The following TCP11L1 variants were observed in gnomAD, a reference collection of about 807,000 sequenced individuals.
TCP11L1 encodes T-complex protein 11-like protein 1.
In TCP11L1, 28 loss-of-function variants were observed where a neutral mutation model predicts 48.9. The observed-to-expected ratio is 0.57, with a 90% CI of 0.42 to 0.78. The LOEUF (loss-of-function observed/expected upper bound fraction) is 0.78, where lower values mean the gene tolerates loss of function less well. Among genes scored for constraint, TCP11L1 ranks in the 30% least tolerant of loss-of-function variants. The probability of loss-of-function intolerance (pLI) is 0.00; values close to 1 mark genes in which losing one functional copy is unlikely to be tolerated. For missense variants in TCP11L1, 505 were observed against 613.4 expected (o/e 0.82, Z 1.87); for synonymous variants, 204 against 231.9 (o/e 0.88, Z 1.09).
At chr11:33,069,463 ATATTC>A (rs1211741069) in intron 9 of TCP11L1, among the ~76,000 whole-genome samples, 1 of 151,992 alleles carries the variant, frequency 6.6e-6, no homozygotes, top group Admixed American at 6.6e-5. Flanking sequence ...AATATTTAAA[ATATTC>A]TATAATATTA....
intron 2 of TCP11L1, among the ~76,000 whole-genome samples, chr11:33,045,536 AAAAAT>A (rs1853965460): frequency 6.6e-6 from 1 of 151,992 alleles, no homozygotes; most frequent in African/African-American, 2.4e-5. Flanking sequence ...TAAAAATAAA[AAAAAT>A]AAAGAGGCCA....
Position 33,061,733 on chromosome 11 carries a change from C to A in TCP11L1, c.972+7C>A. ...CCAGAGGCCGTTCCCCGAAGTAGGT[C>A]TCCTGAGCCATCTCACTACTCATAT... is the stretch of plus-strand genomic sequence containing the variant. On this transcript the variant is annotated splice_region_variant and intron_variant, in intron 7 of 9. Transcript: ENST00000334274. 13 of 1,585,076 alleles carry A rather than the reference C, an allele frequency of 8.2e-6. No homozygotes were observed. The highest frequency in any genetic ancestry group is 1.1e-5 in the Non-Finnish European group (13 of 1,163,102).
chr11:33,056,408 G>A (rs10430854), intron 3 of TCP11L1, among the ~76,000 whole-genome samples: 62,481 of 152,046 alleles, frequency 0.41, 13,058 homozygotes, highest in African/African-American at 0.48. Flanking sequence ...ACCACACCTG[G>A]CCAATACTGG....
At chr11:33,051,017 C>T (rs1215426908) in intron 2 of TCP11L1, among the ~76,000 whole-genome samples, 1 of 151,862 alleles carries the variant, frequency 6.6e-6, no homozygotes, top group African/African-American at 2.4e-5. Flanking sequence ...CGCCATGTTG[C>T]CCAGGCTGTT....
intron 2 of TCP11L1, among the ~76,000 whole-genome samples, chr11:33,050,457 C>T (rs527627686): frequency 6.6e-6 from 1 of 152,240 alleles, no homozygotes; most frequent in East Asian, 1.9e-4. Context: ...GTGGAAGTTT[C>T]ATTTTCTGAT....
intron 5 of TCP11L1, 32 bp from the exon 6 acceptor site, chr11:33,058,927 A>G: frequency 6.2e-7 from 1 of 1,608,774 alleles, no homozygotes; most frequent in Non-Finnish European, 8.5e-7. Flanking sequence ...TTACTTTACA[A>G]ATGCTTGCTT....
intron 2 of TCP11L1, among the ~76,000 whole-genome samples, chr11:33,045,626 A>C (rs1464858927): frequency 6.6e-6 from 1 of 152,214 alleles, no homozygotes; most frequent in African/African-American, 2.4e-5. Context: ...CTAAAGAAGA[A>C]CTTTTGGTTT....
intron 2 of TCP11L1, among the ~76,000 whole-genome samples, chr11:33,052,154 G>A (rs1279140604): frequency 1.3e-5 from 2 of 151,746 alleles, no homozygotes; most frequent in East Asian, 3.9e-4. Context: ...TTAATAACCG[G>A]GTGACAAAAT....
At chr11:33,061,779 T>C (rs1171008260) in intron 7 of TCP11L1, 53 bp downstream of exon 7, 1 of 1,502,854 alleles carries the variant, frequency 6.7e-7, no homozygotes, top group African/African-American at 1.4e-5. Context: ...GCTGCTGAAC[T>C]TTTTAAAAAG....
chr11:33,067,881 A>G (rs1854663004), intron 8 of TCP11L1, among the ~76,000 whole-genome samples: 2 of 150,022 alleles, frequency 1.3e-5, no homozygotes, highest in African/African-American at 4.9e-5. Context: ...TTAGGATTTC[A>G]CTTTTCGTTA....
Position 33,072,884 on chromosome 11 carries a change from G to T in TCP11L1, c.*208G>T, listed in dbSNP as rs1391309284. 1.8e-5 allele frequency: 11 copies of T among 611,472 alleles called. No individual in the cohort carries two copies. The highest frequency in any genetic ancestry group is 2.2e-5 in the Non-Finnish European group (8 of 355,654). The allele number at this position is 611,472 out of a possible 1,614,324, so 37.9% of individuals were successfully genotyped here. A position where few individuals can be genotyped will look rare whatever the true frequency, so the allele number is the denominator to read the frequency against. ...TGAGAGATTGTATTTATGAGTGCAA[G>T]TTTACAAATCAAAGAAGCATTTTGT... is the stretch of plus-strand genomic sequence containing the variant. On this transcript the variant is annotated 3_prime_UTR_variant, in exon 10 of 10. Coordinates refer to ENST00000334274, the MANE Select transcript of TCP11L1 (RefSeq NM_018393.4).
Position 33,061,716 on chromosome 11 carries a change from C to A in TCP11L1, c.962C>A (p.Pro321Gln). The A allele has an allele frequency of 6.3e-7, 1 of 1,598,046 alleles. No individual in the cohort carries two copies. The highest frequency in any genetic ancestry group is 8.5e-7 in the Non-Finnish European group (1 of 1,170,240). Residue 321 changes from proline (P) to glutamine (Q), a missense_variant, in exon 7 of 10, where the codon CCG becomes CAG. Pro to Gln is a moderately conservative substitution (Grantham distance 76). Around this residue, in one of 3 missense-constraint regions of TCP11L1, gnomAD observed 335 missense variants for 413.3 expected, o/e 0.81. Coordinates refer to ENST00000334274, the MANE Select transcript of TCP11L1 (RefSeq NM_018393.4). Reference sequence around the variant, plus strand: ...CTGAAGTGGGACCACCTCCAGAGGCCGTTCCCCGAAGTAGGTCTCCTGAGC... The same window carrying A: ...CTGAAGTGGGACCACCTCCAGAGGCAGTTCCCCGAAGTAGGTCTCCTGAGC... Reference protein sequence around the residue: ...KLLKWDHLQRPFPETVLMDQS... With the variant: ...KLLKWDHLQRQFPETVLMDQS...
chr11:33,042,042 T>C (rs1853848549), intron 1 of TCP11L1, among the ~76,000 whole-genome samples: 1 of 152,220 alleles, frequency 6.6e-6, no homozygotes, highest in African/African-American at 2.4e-5. Context: ...GCAGAAACAT[T>C]GTGTCTTCTC....
At chr11:33,046,606 C>T (rs1854001060) in intron 2 of TCP11L1, among the ~76,000 whole-genome samples, 1 of 152,148 alleles carries the variant, frequency 6.6e-6, no homozygotes, top group Non-Finnish European at 1.5e-5. Flanking sequence ...AAAATCAATG[C>T]CCTAAGGTAT....
Position 33,072,860 on chromosome 11 carries a change from G to A in TCP11L1, c.*184G>A. ...TGAGAAATCCACTGAATTCTATTTT[G>A]AGAGATTGTATTTATGAGTGCAAGT... On this transcript the variant is annotated 3_prime_UTR_variant, in exon 10 of 10. Coordinates refer to ENST00000334274, the MANE Select transcript of TCP11L1 (RefSeq NM_018393.4). 1.5e-6 allele frequency: 1 copy of A among 680,488 alleles called. No homozygotes were observed. Among genetic ancestry groups the A allele is most frequent in the Non-Finnish European group, 2.4e-6 (1 of 409,428 alleles). 42.2% of individuals were successfully genotyped at this position (680,488 alleles called of 1,614,324 possible). A position where few individuals can be genotyped will look rare whatever the true frequency, so the allele number is the denominator to read the frequency against.
intron 8 of TCP11L1, among the ~76,000 whole-genome samples, chr11:33,067,857 CTT>C (rs901160525): frequency 4.6e-5 from 7 of 150,974 alleles, no homozygotes; most frequent in African/African-American, 1.7e-4. Context: ...TCCAGGTACT[CTT>C]TTTTTTTAAC....
rs371267702 is a variant in TCP11L1 at position 33,062,596 on chromosome 11, C to A, written c.972+870C>A. 1.5e-3 allele frequency among the ~76,000 whole-genome samples: 221 copies of A among 152,308 alleles called. 1 individual carries two copies. Among genetic ancestry groups the A allele is most frequent in the African/African-American group, 4.7e-3 (194 of 41,564 alleles). ...CCACATTGTTGTGCAACCATTGCCA[C>A]CAGCCACCTCCAAAACATTTTCATT... On this transcript the variant is annotated intron_variant, in intron 7 of 9. Coordinates refer to ENST00000334274, the MANE Select transcript of TCP11L1 (RefSeq NM_018393.4).
At chr11:33,072,044 C>T (rs939514820) in intron 9 of TCP11L1, among the ~76,000 whole-genome samples, 2 of 152,282 alleles carry the variant, frequency 1.3e-5, no homozygotes, top group African/African-American at 4.8e-5. Flanking sequence ...CGGGGCTTCA[C>T]CACAATGGCC....
Position 33,057,195 on chromosome 11 carries a change from C to T in TCP11L1, c.377C>T (p.Ala126Val), listed in dbSNP as rs1854335907. ...GTGCAGCTAAGTGAAGATCCCCCAG[C>T]ATATGACCATGCTATCAAACTTGTA... The part of the protein sequence containing the change: ...LSVQLSEDPP[A>V]YDHAIKLVGE... The change falls in exon 4 of 10, where the codon GCA becomes GTA. Residue 126 changes from alanine (A) to valine (V), a missense_variant. By Grantham distance (64) the Ala-to-Val change is moderately conservative. Around this residue, in one of 3 missense-constraint regions of TCP11L1, gnomAD observed 168 missense variants for 183.5 expected, o/e 0.92. Coordinates refer to ENST00000334274, the MANE Select transcript of TCP11L1 (RefSeq NM_018393.4). The T allele has an allele frequency of 6.2e-7, 1 of 1,614,052 alleles. No individual in the cohort carries two copies.
Sources: allele counts gnomAD v4.1 joint callset (sites outside exome capture counted in the v4.1 genomes callset), GRCh38; gene constraint gnomAD v4.1.1; regional missense constraint gnomAD v4.1.1; transcripts MANE v1.5; gene names NCBI Gene and HGNC (gene_info 2026-07-23, HGNC 2026-07-21).